The following CCNH variants were observed in gnomAD, a reference collection of about 807,000 sequenced individuals.
CCNH encodes the protein cyclin-H.
In CCNH, 31 loss-of-function variants were observed where a neutral mutation model predicts 41.9. That is an observed-to-expected ratio of 0.74 (90% CI 0.56 to 1.00). The LOEUF (loss-of-function observed/expected upper bound fraction) is 1.00, where lower values mean the gene tolerates loss of function less well. CCNH is among the 50% of genes least tolerant of loss of function. The probability of loss-of-function intolerance (pLI) is 0.00; values close to 1 mark genes in which losing one functional copy is unlikely to be tolerated. For synonymous variants in CCNH, 138 were observed against 136.1 expected (o/e 1.01, Z -0.10); for missense variants, 362 against 388.4 (o/e 0.93, Z 0.57).
intron 9 of CCNH, chr5:87,330,980 C>A: frequency 7.0e-7 from 1 of 1,431,768 alleles, no homozygotes; most frequent in Non-Finnish European, 9.2e-7. Flanking sequence ...AGTATAAGAT[C>A]GAGGTAGTAA....
upstream of CCNH, chr5:87,378,409 C>G (rs1417812670): frequency 1.2e-6 from 2 of 1,613,298 alleles, no homozygotes; most frequent in Non-Finnish European, 1.7e-6. Context: ...AAGCCACTAC[C>G]CTATTTCGAG....
chr5:87,320,204 C>T (rs984484524), intron 9 of CCNH, among the ~76,000 whole-genome samples: 7 of 152,158 alleles, frequency 4.6e-5, no homozygotes, highest in Non-Finnish European at 1.0e-4. Flanking sequence ...AATTATTGAG[C>T]AAGTCTCTAG....
chr5:87,348,355 G>A (rs1236299281), intron 9 of CCNH, among the ~76,000 whole-genome samples: 3 of 151,900 alleles, frequency 2.0e-5, no homozygotes, highest in Middle Eastern at 3.2e-3. Flanking sequence ...AAACAATCAA[G>A]TCCTGATCTT....
intron 9 of CCNH, chr5:87,341,259 A>G: frequency 8.1e-7 from 1 of 1,231,644 alleles, no homozygotes; most frequent in Non-Finnish European, 1.0e-6. Context: ...AGTTAATTAT[A>G]TAAAATACTG....
intron 9 of CCNH, chr5:87,362,773 A>G: frequency 7.3e-7 from 1 of 1,364,810 alleles, no homozygotes. Flanking sequence ...GACATGAGTT[A>G]TTAGTAATTG....
At chr5:87,365,711 TA>T (rs1436391275) in intron 9 of CCNH, among the ~76,000 whole-genome samples, 1 of 151,990 alleles carries the variant, frequency 6.6e-6, no homozygotes, top group African/African-American at 2.4e-5. Context: ...AAAATAATTT[TA>T]AAAAAATGTA....
In CCNH at chr5:87,337,583, C is replaced by A. The variant is rs142464397; in HGVS notation, c.*91-18686G>T. Among the ~76,000 whole-genome samples, 316 of 152,078 alleles carry A rather than the reference C, an allele frequency of 2.1e-3. 1 individual carries two copies. The highest frequency in any genetic ancestry group is 7.1e-3 in the African/African-American group (294 of 41,532). ...TTTGTGTTTTGATTTTATATCTACC[C>A]TACATCTGAAAGAGTAATAACATTG... On this transcript the variant is annotated intron_variant and NMD_transcript_variant, in intron 9 of 9. Transcript: ENST00000645953.
At chr5:87,338,017 G>A in intron 9 of CCNH, 1 of 1,611,820 alleles carries the variant, frequency 6.2e-7, no homozygotes, top group Non-Finnish European at 8.5e-7. Context: ...TGAATTAGAA[G>A]ATGGATGGAT....
downstream of CCNH, chr5:87,393,986 C>T (rs773635844): frequency 6.6e-6 from 1 of 152,448 alleles, no homozygotes; most frequent in African/African-American, 2.4e-5. Flanking sequence ...GCTTTCAGTA[C>T]CATGTAACAG....
At chr5:87,384,497 T>C (rs918253717) in intron 9 of CCNH, among the ~76,000 whole-genome samples, 2 of 152,150 alleles carry the variant, frequency 1.3e-5, no homozygotes, top group African/African-American at 4.8e-5. Flanking sequence ...AATTTTTACT[T>C]CTATATAGCC....
chr5:87,371,761 A>C (rs1304695286), downstream of CCNH, among the ~76,000 whole-genome samples: 2 of 152,138 alleles, frequency 1.3e-5, no homozygotes, highest in African/African-American at 2.4e-5. Flanking sequence ...TGCCTCAAGT[A>C]TAACAGCTTA....
At chr5:87,387,632 T>TAA (rs1561331827), downstream of CCNH, among the ~76,000 whole-genome samples, 10 of 152,134 alleles carry the variant, frequency 6.6e-5, no homozygotes, top group African/African-American at 2.4e-4. Context: ...GATTGGAGAT[T>TAA]GAGGTGTCCA....
intron 9 of CCNH, among the ~76,000 whole-genome samples, chr5:87,368,809 C>T (rs1376105087): frequency 2.6e-5 from 4 of 152,114 alleles, no homozygotes; most frequent in Non-Finnish European, 5.9e-5. Flanking sequence ...TGGAGAATGT[C>T]GGGTTAATTA....
At position 87,398,929 on chromosome 5, in the gene CCNH, C is replaced by T. The variant is rs958065945; in HGVS notation, c.872+465G>A. On this transcript the variant is annotated intron_variant, in intron 7 of 8. Coordinates refer to ENST00000256897, the MANE Select transcript of CCNH (RefSeq NM_001239.4). The stretch of plus-strand genomic sequence containing the variant: ...CAGAGCTTGCAGTGAGCTGAGATCG[C>T]GCCACTGCACTCCAGTCTGGGCAAT... Among the ~76,000 whole-genome samples the T allele has an allele frequency of 9.9e-5, 15 of 151,160 alleles. No homozygotes were observed. In the South Asian group the frequency reaches 1.3e-3, roughly 13 times the overall value.
chr5:87,338,537 T>TATATATATATA (rs1421369290), intron 9 of CCNH, among the ~76,000 whole-genome samples: 4 of 79,792 alleles, frequency 5.0e-5, no homozygotes, highest in Non-Finnish European at 8.0e-5. Flanking sequence ...ATATATAAAA[T>TATATATATATA]TTTTTTTTTT....
intron 9 of CCNH, chr5:87,383,861 T>C: frequency 1.3e-6 from 1 of 781,410 alleles, no homozygotes; most frequent in Non-Finnish European, 1.8e-6. Flanking sequence ...TCTTAAATCT[T>C]TTTTTTTTTT....
intron 9 of CCNH, among the ~76,000 whole-genome samples, chr5:87,385,717 G>A (rs1200251471): frequency 1.3e-5 from 2 of 151,942 alleles, no homozygotes; most frequent in African/African-American, 2.4e-5. Context: ...CACTGTAAAT[G>A]TTAAAACTCA....
downstream of CCNH, chr5:87,374,342 C>T (rs773451347): frequency 2.5e-6 from 4 of 1,583,546 alleles, no homozygotes; most frequent in Non-Finnish European, 3.4e-6. Context: ...TTTATCATTA[C>T]ATTAATCATT....
chr5:87,401,603 CA>C (rs1231925357), intron 6 of CCNH, 98 bp downstream of exon 6: 1 of 755,400 alleles, frequency 1.3e-6, no homozygotes, highest in East Asian at 2.8e-5. Flanking sequence ...GAAATCTAAA[CA>C]AAAATCTGTT....
Sources: gnomAD v4.1 joint callset for allele counts (sites outside exome capture counted in the v4.1 genomes callset) on GRCh38, gnomAD v4.1.1 for gene constraint, MANE v1.5 for transcripts, NCBI Gene and HGNC (gene_info 2026-07-23, HGNC 2026-07-21) for gene names.